SLC24A5: variants seen among roughly 807,000 people sequenced by gnomAD.
SLC24A5 encodes the protein sodium/potassium/calcium exchanger 5.
SLC24A5 carries 46 observed loss-of-function variants against 51.6 expected under a neutral mutation model. The observed-to-expected ratio is 0.89, with a 90% CI of 0.70 to 1.14. SLC24A5 has a LOEUF of 1.14. SLC24A5 is among the 50% of genes most tolerant of loss of function. The probability of loss-of-function intolerance (pLI) is 0.00; values close to 1 mark genes in which losing one functional copy is unlikely to be tolerated. For missense variants in SLC24A5, 581 were observed against 604.1 expected (o/e 0.96, Z 0.40); for synonymous variants, 230 against 214.9 (o/e 1.07, Z -0.62).
chr15:48,133,625 A>G (rs143579678), intron 2 of SLC24A5, among the ~76,000 whole-genome samples: 2 of 152,274 alleles, frequency 1.3e-5, no homozygotes, highest in East Asian at 1.9e-4. Context: ...TCTCATTTGT[A>G]ATTAGACAAC....
At chr15:48,128,456 C>T (rs2038754550) in intron 2 of SLC24A5, among the ~76,000 whole-genome samples, 1 of 152,022 alleles carries the variant, frequency 6.6e-6, no homozygotes, top group Non-Finnish European at 1.5e-5. Flanking sequence ...CTAATATTTG[C>T]TTATGTTCTA....
intron 2 of SLC24A5, among the ~76,000 whole-genome samples, chr15:48,130,327 G>A (rs575577411): frequency 6.1e-4 from 93 of 152,236 alleles, no homozygotes; most frequent in African/African-American, 2.2e-3. Context: ...CTAAAGTTCA[G>A]AGGTATAAAA....
intron 4 of SLC24A5, 44 bp downstream of exon 4, chr15:48,134,582 T>A (rs1306090014): frequency 6.7e-7 from 1 of 1,496,384 alleles, no homozygotes; most frequent in African/African-American, 1.4e-5. Flanking sequence ...TCTTAAAAAA[T>A]TCTAAAGATA....
rs749544443 is a variant in SLC24A5, at chr15:48,134,304, G to A, written c.348G>A (p.Ala116=). 25 of 1,613,414 alleles carry A rather than the reference G, an allele frequency of 1.5e-5. No individual in the cohort carries two copies. Among genetic ancestry groups the A allele is most frequent in the East Asian group, 2.2e-5 (1 of 44,878 alleles). ...TTGCAGGCACAACTTTCATGGCAGCGGGCAGTTCAGCTCCTGAATTAGTTA... is the reference window on the plus strand; with the variant it reads ...TTGCAGGCACAACTTTCATGGCAGCAGGCAGTTCAGCTCCTGAATTAGTTA... ...QDVAGTTFMA[A]GSSAPELVTA... The change falls in exon 3 of 9, where the codon GCG becomes GCA. Residue 116 remains alanine (A), a synonymous_variant. Transcript: ENST00000341459.
chr15:48,135,210 T>A (rs1334928258), intron 5 of SLC24A5: 3 of 367,396 alleles, frequency 8.2e-6, no homozygotes, highest in South Asian at 4.5e-5. Context: ...CTCTCACTAG[T>A]CACTGGAGAC....
intron 2 of SLC24A5, among the ~76,000 whole-genome samples, chr15:48,133,148 A>G (rs1291224173): frequency 6.6e-6 from 1 of 152,112 alleles, no homozygotes; most frequent in Non-Finnish European, 1.5e-5. Flanking sequence ...GTCTGGGAAG[A>G]CTGAAGCGTC....
chr15:48,131,113 C>T (rs1234454373), intron 2 of SLC24A5, among the ~76,000 whole-genome samples: 1 of 152,078 alleles, frequency 6.6e-6, no homozygotes, highest in Non-Finnish European at 1.5e-5. Flanking sequence ...ATATTATTTA[C>T]TTCATTTCTA....
chr15:48,137,681 T>A (rs1349815857), intron 6 of SLC24A5: 1 of 152,050 alleles, frequency 6.6e-6, no homozygotes, highest in Non-Finnish European at 1.5e-5. Context: ...TCACCAAGAC[T>A]ATATGGGGCC....
chr15:48,121,054 A>G lies in SLC24A5; in HGVS notation c.10A>G (p.Lys4Glu), dbSNP rs550245060. 47 of 1,613,610 alleles carry G rather than the reference A, an allele frequency of 2.9e-5. No homozygotes were observed. In the Admixed American group the frequency reaches 7.7e-4, roughly 26 times the overall value. Residue 4 changes from lysine (K) to glutamate (E), a missense_variant, in exon 1 of 9, where the codon AAA becomes GAA. Transcript: ENST00000341459. The part of the protein sequence containing the change: MQT[K>E]GGQTWARRAL... ...TAAGAGCACAGCAGAAATGCAGACA[A>G]AAGGGGGCCAAACATGGGCGAGAAG...
chr15:48,129,337 GGAATACATTT>G (rs2038764952), intron 2 of SLC24A5, among the ~76,000 whole-genome samples: 1 of 151,934 alleles, frequency 6.6e-6, no homozygotes, highest in African/African-American at 2.4e-5. Context: ...AATATTTCTA[GGAATACATTT>G]GAAATTAATT....
chr15:48,138,928 C>T (rs529491010), intron 6 of SLC24A5, 41 bp from the exon 7 acceptor site: 1 of 1,438,516 alleles, frequency 7.0e-7, no homozygotes, highest in African/African-American at 1.4e-5. Flanking sequence ...CTTAATTAGC[C>T]ATTTGAGAAA....
At position 48,130,430 on chromosome 15, in the gene SLC24A5, T is replaced by C. The variant is rs1279653885; in HGVS notation, c.302-3828T>C. On this transcript the variant is annotated intron_variant, in intron 2 of 8. Coordinates refer to ENST00000341459, the MANE Select transcript of SLC24A5 (RefSeq NM_205850.3). ...CATCTATACAAAATCTTTCCTTTCA[T>C]AATTTGAGTGCAGTGAATAGGAACA... 2.0e-5 allele frequency among the ~76,000 whole-genome samples: 3 copies of C among 152,160 alleles called. No homozygotes were observed. In the East Asian group the frequency reaches 5.8e-4, roughly 29 times the overall value.
Position 48,136,677 on chromosome 15 carries a change from T to C in SLC24A5, c.591-6T>C, listed in dbSNP as rs1316879330. On this transcript the variant is annotated splice_region_variant and splice_polypyrimidine_tract_variant and intron_variant, in intron 5 of 8. Coordinates refer to ENST00000341459, the MANE Select transcript of SLC24A5 (RefSeq NM_205850.3). The stretch of plus-strand genomic sequence containing the variant: ...TAATTTAAAAACACAAATTTCTCTT[T>C]TGTAGGTATGAAGGGGCTTTACTGC... 6.3e-7 allele frequency: 1 copy of C among 1,582,558 alleles called. No individual in the cohort carries two copies. The highest frequency in any genetic ancestry group is 8.6e-7 in the Non-Finnish European group (1 of 1,164,494).
chr15:48,132,957 T>C (rs1273443437), intron 2 of SLC24A5, among the ~76,000 whole-genome samples: 2 of 152,096 alleles, frequency 1.3e-5, no homozygotes, highest in South Asian at 2.1e-4. Flanking sequence ...ATAACTATTA[T>C]TGTAATATAC....
Position 48,142,309 on chromosome 15 carries a change from T to C in SLC24A5, c.1461T>C (p.Leu487=), listed in dbSNP as rs1191354373. 6.2e-7 allele frequency: 1 copy of C among 1,609,586 alleles called. No individual in the cohort carries two copies. Among genetic ancestry groups the C allele is most frequent in the Admixed American group, 1.7e-5 (1 of 59,414 alleles). The change falls in exon 9 of 9, where the codon CTT becomes CTC. Residue 487 remains leucine, a synonymous_variant. Transcript: ENST00000341459. ...GLATLSVLYE[L]GIIGNNKIRG... is the part of the protein sequence containing the mutation. Reference sequence around the variant, plus strand: ...CTACATTATCAGTTCTATATGAACTTGGAATTATTGGAAATAATAAAATAA... The same window carrying C: ...CTACATTATCAGTTCTATATGAACTCGGAATTATTGGAAATAATAAAATAA...
chr15:48,130,641 C>T (rs1188559284), intron 2 of SLC24A5, among the ~76,000 whole-genome samples: 1 of 152,114 alleles, frequency 6.6e-6, no homozygotes, highest in Non-Finnish European at 1.5e-5. Flanking sequence ...TCAATTTCTT[C>T]CACCTATTTA....
intron 2 of SLC24A5, among the ~76,000 whole-genome samples, chr15:48,125,064 A>G (rs1447870816): frequency 1.3e-5 from 2 of 152,168 alleles, no homozygotes; most frequent in African/African-American, 4.8e-5. Context: ...AACGGGCTTC[A>G]AAAGTCTGCA....
chr15:48,134,770 A>T (rs2038854960), intron 4 of SLC24A5, 114 bp from the exon 5 acceptor site: 1 of 882,710 alleles, frequency 1.1e-6, no homozygotes. Flanking sequence ...TCTAAGCAAT[A>T]TGCAAAAGAT....
rs146317963 is a variant in SLC24A5, at chr15:48,136,799, C to A, written c.707C>A (p.Ala236Asp). ...TGCAGTCCTTGCTGCGCCTGTCTTG[C>A]CAAAGCTATGGAGAGAAGTGAACAA... ...KKCSPCCACL[A>D]KAMERSEQQP... The change falls in exon 6 of 9, where the codon GCC (alanine) becomes GAC (aspartate). Residue 236 changes from alanine (A) to aspartate (D), a missense_variant. Ala to Asp is a moderately radical substitution (Grantham distance 126). Coordinates refer to ENST00000341459, the MANE Select transcript of SLC24A5 (RefSeq NM_205850.3). 1.2e-6 allele frequency: 2 copies of A among 1,613,640 alleles called. No individual in the cohort carries two copies. The highest frequency in any genetic ancestry group is 2.7e-5 in the African/African-American group (2 of 74,888).
Sources: allele counts gnomAD v4.1 joint callset (sites outside exome capture counted in the v4.1 genomes callset), GRCh38; gene constraint gnomAD v4.1.1; transcripts MANE v1.5; gene names NCBI Gene and HGNC (gene_info 2026-07-23, HGNC 2026-07-21).